The following RBM47 variants were observed in gnomAD, a reference collection of about 807,000 sequenced individuals.
RBM47 encodes the protein RNA-binding protein 47.
A neutral mutation model predicts 47.1 loss-of-function variants in RBM47; 21 were observed. The ratio of observed to expected loss-of-function variants is 0.45; its 90% confidence interval spans 0.32 to 0.64. RBM47 has a LOEUF of 0.64. Among genes scored for constraint, RBM47 ranks in the 30% least tolerant of loss-of-function variants. The pLI is 0.05. For missense variants in RBM47, 708 were observed against 870.9 expected (o/e 0.81, Z 2.35); for synonymous variants, 375 against 361.7 (o/e 1.04, Z -0.42).
intron 1 of RBM47, among the ~76,000 whole-genome samples, chr4:40,558,989 G>A (rs1172348397): frequency 3.9e-5 from 6 of 152,138 alleles, no homozygotes; most frequent in Admixed American, 2.0e-4. Context: ...GTGAGACTCC[G>A]TCTCAAAAAA....
intron 2 of RBM47, among the ~76,000 whole-genome samples, chr4:40,526,278 C>T (rs1419900698): frequency 6.6e-6 from 1 of 152,148 alleles, no homozygotes; most frequent in Non-Finnish European, 1.5e-5. Flanking sequence ...CTGATCAAGC[C>T]GAGGGTCCCC....
chr4:40,575,718 C>T (rs1049927427), intron 1 of RBM47, among the ~76,000 whole-genome samples: 3 of 152,092 alleles, frequency 2.0e-5, no homozygotes, highest in African/African-American at 7.2e-5. Flanking sequence ...GCCAGTTTGC[C>T]CAGGACTGTC....
intron 1 of RBM47, among the ~76,000 whole-genome samples, chr4:40,552,824 C>T (rs1475150039): frequency 1.3e-5 from 2 of 152,236 alleles, no homozygotes; most frequent in African/African-American, 4.8e-5. Context: ...CTTCTCCTGC[C>T]TTGGCACTCA....
chr4:40,541,563 C>A (rs1295513267), intron 2 of RBM47, among the ~76,000 whole-genome samples: 1 of 152,020 alleles, frequency 6.6e-6, no homozygotes. Flanking sequence ...ATGGTGAAAA[C>A]CCCATCTTTA....
rs1325251581 is a variant in RBM47, at chr4:40,423,480, T to A, written c.*2424A>T. On this transcript the variant is annotated 3_prime_UTR_variant, in exon 7 of 7. Transcript: ENST00000295971. ...CACTAAAAAAAAAAAAAGTTCACAT[T>A]TCAAGTTATAAACTTACCTCAGTAG... The A allele has an allele frequency of 6.6e-6, 1 of 150,962 alleles. No homozygotes were observed. The highest frequency in any genetic ancestry group is 1.9e-4 in the East Asian group (1 of 5,176). The allele number at this position is 150,962 out of a possible 1,614,324, so 9.4% of individuals were successfully genotyped here.
chr4:40,453,124 C>T (rs1428982384), intron 3 of RBM47, among the ~76,000 whole-genome samples: 1 of 151,972 alleles, frequency 6.6e-6, no homozygotes, highest in Admixed American at 6.6e-5. Context: ...CAGGCTTGAG[C>T]CACTGTACCC....
At chr4:40,585,778 C>T (rs1036850544) in intron 1 of RBM47, among the ~76,000 whole-genome samples, 13 of 152,188 alleles carry the variant, frequency 8.5e-5, no homozygotes, top group Non-Finnish European at 1.6e-4. Context: ...AAGCACGGCA[C>T]ATAGGACACA....
intron 2 of RBM47, among the ~76,000 whole-genome samples, chr4:40,473,701 A>G (rs1719235527): frequency 6.6e-6 from 1 of 152,190 alleles, no homozygotes; most frequent in Non-Finnish European, 1.5e-5. Context: ...TTCTTAAAAA[A>G]CTATCACACT....
At chr4:40,481,139 C>G (rs1300463340) in intron 2 of RBM47, among the ~76,000 whole-genome samples, 1 of 152,046 alleles carries the variant, frequency 6.6e-6, no homozygotes, top group African/African-American at 2.4e-5. Context: ...ACAAAAATCC[C>G]CTAACATTCT....
chr4:40,539,724 A>G (rs1212111325), intron 2 of RBM47, among the ~76,000 whole-genome samples: 1 of 132,672 alleles, frequency 7.5e-6, no homozygotes, highest in Non-Finnish European at 1.6e-5. Context: ...TGGGCGACAG[A>G]GCAAGACTCT....
At chr4:40,513,505 C>T (rs747447763) in intron 2 of RBM47, among the ~76,000 whole-genome samples, 9 of 152,122 alleles carry the variant, frequency 5.9e-5, no homozygotes, top group Non-Finnish European at 1.0e-4. Flanking sequence ...ATCATTATTA[C>T]AATTGATCAT....
chr4:40,428,640 G>A (rs1157607294), intron 6 of RBM47, among the ~76,000 whole-genome samples: 6 of 152,136 alleles, frequency 3.9e-5, no homozygotes, highest in Non-Finnish European at 1.5e-5. Context: ...GCTACAGGAC[G>A]GCCCAACACC....
At chr4:40,555,628 C>T (rs1312213236) in intron 1 of RBM47, among the ~76,000 whole-genome samples, 1 of 152,212 alleles carries the variant, frequency 6.6e-6, no homozygotes, top group African/African-American at 2.4e-5. Flanking sequence ...GTAACTTGCC[C>T]ACATCACACA....
At chr4:40,524,396 A>C (rs909800985) in intron 2 of RBM47, among the ~76,000 whole-genome samples, 4 of 152,222 alleles carry the variant, frequency 2.6e-5, no homozygotes, top group African/African-American at 9.6e-5. Context: ...TGAACCCTGA[A>C]TAAATGAGAT....
At chr4:40,445,123 A>G (rs1001894248) in intron 3 of RBM47, among the ~76,000 whole-genome samples, 4 of 151,640 alleles carry the variant, frequency 2.6e-5, no homozygotes, top group Admixed American at 6.6e-5. Context: ...AAATAGAAAA[A>G]ATTAGCTGGG....
At chr4:40,531,088 G>A (rs939706378) in intron 2 of RBM47, among the ~76,000 whole-genome samples, 7 of 152,144 alleles carry the variant, frequency 4.6e-5, no homozygotes, top group Admixed American at 1.3e-4. Flanking sequence ...GACAGAGTAA[G>A]ACTCTGGAAT....
At chr4:40,509,281 C>A (rs1054854760) in intron 2 of RBM47, among the ~76,000 whole-genome samples, 11 of 151,954 alleles carry the variant, frequency 7.2e-5, no homozygotes, top group African/African-American at 2.7e-4. Flanking sequence ...TTGTAGACAT[C>A]ACTTGTATAG....
At chr4:40,591,511 A>G (rs1169119241) in intron 1 of RBM47, among the ~76,000 whole-genome samples, 1 of 152,090 alleles carries the variant, frequency 6.6e-6, no homozygotes, top group Non-Finnish European at 1.5e-5. Flanking sequence ...CCTGGCCAAC[A>G]TGGTGAAACC....
intron 3 of RBM47, among the ~76,000 whole-genome samples, chr4:40,465,941 G>A (rs1036661169): frequency 4.6e-5 from 7 of 151,976 alleles, no homozygotes; most frequent in East Asian, 3.9e-4. Flanking sequence ...ACCCAGCCTC[G>A]TGTCACACAA....
Sources: allele counts gnomAD v4.1 joint callset (sites outside exome capture counted in the v4.1 genomes callset), GRCh38; gene constraint gnomAD v4.1.1; transcripts MANE v1.5; gene names NCBI Gene and HGNC (gene_info 2026-07-23, HGNC 2026-07-21).